Variants in GRIA1 observed in about 807,000 individuals in gnomAD.
GRIA1 encodes the protein glutamate receptor 1.
Under a neutral mutation model 99.2 loss-of-function variants are expected in GRIA1, and 31 were observed. The ratio of observed to expected loss-of-function variants is 0.31; its 90% CI spans 0.23 to 0.42. GRIA1 has a LOEUF of 0.42. GRIA1 is among the 10% of genes least tolerant of loss of function. The pLI is 1.00. For missense variants in GRIA1, 782 were observed against 1,157.5 expected, an observed-to-expected ratio of 0.68 and a Z score of 4.71; for synonymous variants, 438 against 432.4, an observed-to-expected ratio of 1.01 and a Z score of -0.16.
At chr5:153,518,059 C>A (rs186223456) in intron 2 of GRIA1, among the ~76,000 whole-genome samples, 1 of 152,150 alleles carries the variant, frequency 6.6e-6, no homozygotes, top group Admixed American at 6.5e-5. Flanking sequence ...CCTGGGATGC[C>A]GTTAAATCTC....
At chr5:153,513,300 A>G (rs534508253) in intron 2 of GRIA1, among the ~76,000 whole-genome samples, 107 of 152,228 alleles carry the variant, frequency 7.0e-4, no homozygotes, top group South Asian at 1.2e-3. Flanking sequence ...AGTTCTGCTG[A>G]GGGCTGGCCC....
At chr5:153,527,492 T>C (rs951811496) in intron 2 of GRIA1, among the ~76,000 whole-genome samples, 2 of 152,306 alleles carry the variant, frequency 1.3e-5, no homozygotes, top group Middle Eastern at 3.4e-3. Context: ...ATCTAAAACC[T>C]GGTAAAACAT....
chr5:153,757,422 T>C (rs1762905986), intron 11 of GRIA1, among the ~76,000 whole-genome samples: 1 of 152,142 alleles, frequency 6.6e-6, no homozygotes. Flanking sequence ...TAAAGAAAGA[T>C]ATAATTATCC....
intron 10 of GRIA1, among the ~76,000 whole-genome samples, chr5:153,701,357 G>C (rs867323943): frequency 6.6e-6 from 1 of 152,028 alleles, no homozygotes; most frequent in Non-Finnish European, 1.5e-5. Context: ...GCTCATGCCT[G>C]TAATCCCAGC....
chr5:153,626,272 G>C (rs922952507), intron 2 of GRIA1, among the ~76,000 whole-genome samples: 1 of 152,224 alleles, frequency 6.6e-6, no homozygotes, highest in Non-Finnish European at 1.5e-5. Context: ...AGGAGGTAAA[G>C]TGTGGGACAT....
At position 153,724,603 on chromosome 5, in the gene GRIA1, G is replaced by A. The variant is rs543365415; in HGVS notation, c.1823+18536G>A. 1.6e-4 allele frequency among the ~76,000 whole-genome samples: 25 copies of A among 152,362 alleles called. No individual in the cohort carries two copies. The East Asian group carries it at 4.8e-3, about 29-fold the overall frequency. On this transcript the variant is annotated intron_variant, in intron 11 of 15. Transcript: ENST00000285900. ...GCTTGAGAACTACGTGAAGAATGCAGAAGCCTCAGGAGCCGATGCGATCAA... is the reference window on the plus strand; with the variant it reads ...GCTTGAGAACTACGTGAAGAATGCAAAAGCCTCAGGAGCCGATGCGATCAA...
chr5:153,497,286 C>G (rs1754534716), intron 2 of GRIA1, among the ~76,000 whole-genome samples: 1 of 152,116 alleles, frequency 6.6e-6, no homozygotes, highest in Admixed American at 6.6e-5. Context: ...TACTGATCAG[C>G]TACCCAGCTT....
intron 11 of GRIA1, among the ~76,000 whole-genome samples, chr5:153,739,373 C>T (rs1207261928): frequency 6.6e-6 from 1 of 152,192 alleles, no homozygotes; most frequent in Non-Finnish European, 1.5e-5. Flanking sequence ...CAGGTCTCAG[C>T]TTAGAAAGTC....
At position 153,543,546 on chromosome 5, in the gene GRIA1, T is replaced by C. The variant is rs374450000; in HGVS notation, c.220+49481T>C. Among the ~76,000 whole-genome samples, 4 of 152,150 alleles carry C rather than the reference T, an allele frequency of 2.6e-5. No individual in the cohort carries two copies. In the South Asian group the frequency reaches 6.2e-4, roughly 24 times the overall value. On this transcript the variant is annotated intron_variant, in intron 2 of 15. Coordinates refer to ENST00000285900, the MANE Select transcript of GRIA1 (RefSeq NM_000827.4). ...AGGCCATATGATGTCATCATATATATGTAAAGTGCTCAACTGTTGGTTACT... is the reference window on the plus strand; with the variant it reads ...AGGCCATATGATGTCATCATATATACGTAAAGTGCTCAACTGTTGGTTACT...
At chr5:153,524,707 A>T (rs1421080741) in intron 2 of GRIA1, among the ~76,000 whole-genome samples, 1 of 152,210 alleles carries the variant, frequency 6.6e-6, no homozygotes, top group Non-Finnish European at 1.5e-5. Context: ...ATAACACTTG[A>T]TTCTGTCTTT....
At chr5:153,778,036 G>C (rs1202041246) in intron 13 of GRIA1, among the ~76,000 whole-genome samples, 2 of 152,126 alleles carry the variant, frequency 1.3e-5, no homozygotes, top group Non-Finnish European at 2.9e-5. Flanking sequence ...GGATTTATTT[G>C]CATCCTCAGA....
chr5:153,770,606 G>T (rs1373385164), intron 13 of GRIA1, among the ~76,000 whole-genome samples, 191 bp downstream of exon 13: 1 of 152,116 alleles, frequency 6.6e-6, no homozygotes, highest in African/African-American at 2.4e-5. Flanking sequence ...ACTGACCTGG[G>T]GGCCTCAGCT....
chr5:153,652,686 G>T (rs1754663437), intron 4 of GRIA1, among the ~76,000 whole-genome samples: 1 of 152,136 alleles, frequency 6.6e-6, no homozygotes, highest in Admixed American at 6.5e-5. Flanking sequence ...TTTTAAAATT[G>T]TTTCATTCAT....
At chr5:153,538,072 A>T (rs1269177766) in intron 2 of GRIA1, among the ~76,000 whole-genome samples, 3 of 152,174 alleles carry the variant, frequency 2.0e-5, no homozygotes, top group African/African-American at 7.2e-5. Flanking sequence ...TCATCATCCT[A>T]TGTGATGGTG....
chr5:153,594,656 A>G (rs931118411), intron 2 of GRIA1, among the ~76,000 whole-genome samples: 3 of 151,994 alleles, frequency 2.0e-5, no homozygotes, highest in Admixed American at 2.0e-4. Flanking sequence ...GCCCTTGACT[A>G]TCTGCTCTTA....
At chr5:153,672,165 T>C (rs990758210) in intron 5 of GRIA1, among the ~76,000 whole-genome samples, 11 of 152,180 alleles carry the variant, frequency 7.2e-5, no homozygotes, top group African/African-American at 2.4e-4. Context: ...AACATGTCAG[T>C]GTAGAACTCA....
At chr5:153,722,381 G>GACACA (rs1760135726) in intron 11 of GRIA1, among the ~76,000 whole-genome samples, 1 of 152,134 alleles carries the variant, frequency 6.6e-6, no homozygotes, top group African/African-American at 2.4e-5. Context: ...TCTTGCTTAA[G>GACACA]AAGACTTTAC....
At chr5:153,593,092 C>G (rs986779493) in intron 2 of GRIA1, among the ~76,000 whole-genome samples, 1 of 152,056 alleles carries the variant, frequency 6.6e-6, no homozygotes, top group Non-Finnish European at 1.5e-5. Flanking sequence ...ATGGCAAAAC[C>G]CTGTCTTTAC....
At chr5:153,797,426 A>C (rs1338730411) in intron 14 of GRIA1, among the ~76,000 whole-genome samples, 2 of 152,178 alleles carry the variant, frequency 1.3e-5, no homozygotes, top group Non-Finnish European at 2.9e-5. Context: ...CAAAAACAAA[A>C]GTGTTTCTTT....
Sources: gnomAD v4.1 joint callset for allele counts (sites outside exome capture counted in the v4.1 genomes callset) on GRCh38, gnomAD v4.1.1 for gene constraint, MANE v1.5 for transcripts, NCBI Gene and HGNC (gene_info 2026-07-23, HGNC 2026-07-21) for gene names.